Variants in SERGEF observed in about 807,000 individuals in gnomAD.
SERGEF encodes the protein secretion regulating guanine nucleotide exchange factor.
In SERGEF, 51 loss-of-function variants were observed where a neutral mutation model predicts 50.0. The ratio of observed to expected loss-of-function variants is 1.02; its 90% confidence interval spans 0.81 to 1.29. SERGEF has a LOEUF of 1.29. Ranked by LOEUF, SERGEF falls within the 50% of genes most tolerant of loss-of-function variation. The pLI is 0.00. For synonymous variants in SERGEF, 205 were observed against 212.4 expected (o/e 0.97, Z 0.30); for missense variants, 521 against 557.0 (o/e 0.94, Z 0.65).
chr11:17,816,085 G>A (rs891115140), intron 10 of SERGEF, among the ~76,000 whole-genome samples: 1 of 152,158 alleles, frequency 6.6e-6, no homozygotes, highest in Non-Finnish European at 1.5e-5. Flanking sequence ...CACTCTGCTT[G>A]AATAATGAGC....
At chr11:17,960,851 C>T (rs928962579) in intron 8 of SERGEF, among the ~76,000 whole-genome samples, 3 of 152,180 alleles carry the variant, frequency 2.0e-5, no homozygotes, top group Non-Finnish European at 2.9e-5. Context: ...ACAAAGTCTG[C>T]GTAGCTCACA....
At chr11:17,824,322 C>T (rs1850146013) in intron 10 of SERGEF, among the ~76,000 whole-genome samples, 1 of 150,938 alleles carries the variant, frequency 6.6e-6, no homozygotes. Flanking sequence ...AAAGGCCTCT[C>T]TTTGTCCTTT....
chr11:17,822,734 C>T (rs1247247387), intron 10 of SERGEF, among the ~76,000 whole-genome samples: 1 of 152,190 alleles, frequency 6.6e-6, no homozygotes, highest in South Asian at 2.1e-4. Context: ...AGTGAAGGTA[C>T]GTCACCCCCA....
At chr11:17,895,979 C>T (rs759209430) in intron 9 of SERGEF, among the ~76,000 whole-genome samples, 15 of 152,176 alleles carry the variant, frequency 9.9e-5, no homozygotes, top group Non-Finnish European at 2.1e-4. Context: ...CCTTATTTCA[C>T]TATTTCTCTT....
rs1851475160 is a variant in SERGEF, at chr11:17,888,632, CA to C, written c.1012-10389del. ...ATCAGTATGAACTCACAGTTTTACA[CA>C]CACACACACACACACACACACACAC... On this transcript the variant is annotated intron_variant, in intron 9 of 10. Coordinates refer to ENST00000265965, the MANE Select transcript of SERGEF (RefSeq NM_012139.4). This position sits in a 1 kb window ranked among gnomAD's most constrained non-coding sequence, Gnocchi z 4.1. 2.5e-4 allele frequency among the ~76,000 whole-genome samples: 1 copy of C among 3,974 alleles called. No homozygotes were observed. Among genetic ancestry groups the C allele is most frequent in the Non-Finnish European group, 6.3e-4 (1 of 1,576 alleles). 2.6% of individuals were successfully genotyped at this position (3,974 alleles called of 152,430 possible).
At chr11:17,856,950 G>A (rs961391966) in intron 10 of SERGEF, 4 of 152,144 alleles carry the variant, frequency 2.6e-5, no homozygotes, top group African/African-American at 7.2e-5. Flanking sequence ...ATAATGAAAC[G>A]AAAGGAAACA....
intron 10 of SERGEF, among the ~76,000 whole-genome samples, chr11:17,844,452 C>T (rs1348924073): frequency 1.3e-5 from 2 of 152,164 alleles, no homozygotes; most frequent in South Asian, 2.1e-4. Context: ...TTCACCCTCT[C>T]GTACCTCTGA....
At chr11:17,882,186 C>T (rs1323300725) in intron 9 of SERGEF, among the ~76,000 whole-genome samples, 2 of 152,000 alleles carry the variant, frequency 1.3e-5, no homozygotes, top group African/African-American at 4.8e-5. Context: ...GAGGCCAAGG[C>T]GGGGGGATCG....
At chr11:18,012,791 CTCCTCCGCT>C in intron 1 of SERGEF, 151 bp downstream of exon 1, 3 of 1,453,590 alleles carry the variant, frequency 2.1e-6, no homozygotes, top group Non-Finnish European at 1.8e-6. Flanking sequence ...CCGCCCGCTC[CTCCTCCGCT>C]CCCCCTCCGC....
intron 10 of SERGEF, among the ~76,000 whole-genome samples, chr11:17,794,086 A>C (rs1444040232): frequency 6.6e-6 from 1 of 152,224 alleles, no homozygotes; most frequent in African/African-American, 2.4e-5. Context: ...GCCAAGGAGG[A>C]ATAAACACCT....
chr11:17,979,823 T>C (rs1361144158), intron 8 of SERGEF, among the ~76,000 whole-genome samples: 1 of 152,184 alleles, frequency 6.6e-6, no homozygotes, highest in Non-Finnish European at 1.5e-5. Flanking sequence ...CTGGATGATC[T>C]TCGAAGTCCT....
At chr11:17,834,496 A>G (rs2133856804) in intron 10 of SERGEF, among the ~76,000 whole-genome samples, 1 of 152,348 alleles carries the variant, frequency 6.6e-6, no homozygotes, top group Non-Finnish European at 1.5e-5. Flanking sequence ...ACACCTGCTT[A>G]AAAACTTATT....
intron 10 of SERGEF, among the ~76,000 whole-genome samples, chr11:17,854,206 G>A (rs1012071780): frequency 3.3e-5 from 5 of 152,162 alleles, no homozygotes; most frequent in South Asian, 2.1e-4. Context: ...GAAAAAAACT[G>A]TAATTAAGTA....
At chr11:17,899,045 T>G (rs1851697567) in intron 9 of SERGEF, among the ~76,000 whole-genome samples, 1 of 152,216 alleles carries the variant, frequency 6.6e-6, no homozygotes, top group African/African-American at 2.4e-5. Flanking sequence ...ATCTAAGACA[T>G]GCCTGCTTCT....
rs913210288 is a variant in SERGEF at position 17,991,883 on chromosome 11, G to A, written c.685+1048C>T. On this transcript the variant is annotated intron_variant, in intron 7 of 10. Transcript: ENST00000265965. The surrounding 1 kb of genome is among the most constrained non-coding windows in gnomAD (Gnocchi z 4.9). The stretch of plus-strand genomic sequence containing the variant: ...AATTTCCACATAAAACACTAAGTAC[G>A]GAAGTCCCTCCTCTTTGCTTAAAAA... Among the ~76,000 whole-genome samples, 6 of 152,228 alleles carry A rather than the reference G, an allele frequency of 3.9e-5. No individual in the cohort carries two copies. The highest frequency in any genetic ancestry group is 3.4e-3 in the Middle Eastern group (1 of 294).
chr11:17,945,855 G>T (rs540055516), intron 9 of SERGEF, among the ~76,000 whole-genome samples: 1 of 152,216 alleles, frequency 6.6e-6, no homozygotes, highest in Admixed American at 6.5e-5. Context: ...GCACGCACCT[G>T]TAATCCCAGC....
At chr11:17,911,566 T>C (rs1171279585) in intron 9 of SERGEF, among the ~76,000 whole-genome samples, 1 of 151,678 alleles carries the variant, frequency 6.6e-6, no homozygotes, top group African/African-American at 2.4e-5. Context: ...TGGCTCACTG[T>C]AATCTCCACC....
At chr11:17,921,858 G>C (rs1852162813) in intron 9 of SERGEF, among the ~76,000 whole-genome samples, 1 of 152,192 alleles carries the variant, frequency 6.6e-6, no homozygotes, top group African/African-American at 2.4e-5. Context: ...GACCGACACA[G>C]GGGGAACAGA....
chr11:17,793,908 C>A (rs1214759694), intron 10 of SERGEF, among the ~76,000 whole-genome samples: 1 of 152,226 alleles, frequency 6.6e-6, no homozygotes, highest in Non-Finnish European at 1.5e-5. Context: ...GGCAACGGAA[C>A]CTCAGGACTG....
Sources: gnomAD v4.1 joint callset for allele counts (sites outside exome capture counted in the v4.1 genomes callset) on GRCh38, gnomAD v4.1.1 for gene constraint, Gnocchi (gnomAD v3.1) non-coding constraint, MANE v1.5 for transcripts, NCBI Gene and HGNC (gene_info 2026-07-23, HGNC 2026-07-21) for gene names.